Variants in GREB1 observed in about 807,000 individuals in gnomAD.
GREB1 encodes protein GREB1.
Under a neutral mutation model 200.7 loss-of-function variants are expected in GREB1, and 106 were observed. That is an observed-to-expected ratio of 0.53 (90% CI 0.45 to 0.62). The LOEUF (loss-of-function observed/expected upper bound fraction) is 0.62, where lower values mean the gene tolerates loss of function less well. Ranked by LOEUF, GREB1 falls within the 20% of genes least tolerant of loss-of-function variation. GREB1 has a pLI of 0.00. For synonymous variants in GREB1, 1,132 were observed against 1,092.4 expected (o/e 1.04, Z -0.72); for missense variants, 2,243 against 2,556.8 (o/e 0.88, Z 2.65).
chr2:11,503,172 T>A (rs1179522738), intron 1 of GREB1, among the ~76,000 whole-genome samples: 1 of 152,168 alleles, frequency 6.6e-6, no homozygotes, highest in African/African-American at 2.4e-5. Flanking sequence ...GAAAGAAACG[T>A]TCCTGATGAG....
intron 1 of GREB1, among the ~76,000 whole-genome samples, chr2:11,518,975 C>T (rs965039129): frequency 1.3e-5 from 2 of 151,646 alleles, no homozygotes; most frequent in Non-Finnish European, 2.9e-5. Context: ...TGGTAGGTGC[C>T]TGTAGGCCCA....
At chr2:11,562,742 A>T in intron 3 of GREB1, 160 bp downstream of exon 3, 2 of 791,838 alleles carry the variant, frequency 2.5e-6, no homozygotes, top group East Asian at 3.3e-5. Context: ...GGCCCGCAGC[A>T]GGTGCTGGCC....
At chr2:11,559,629 C>T (rs1451142909) in intron 2 of GREB1, among the ~76,000 whole-genome samples, 1 of 152,136 alleles carries the variant, frequency 6.6e-6, no homozygotes, top group Non-Finnish European at 1.5e-5. Flanking sequence ...CTGTGCCATC[C>T]CCTCTGAGCC....
intron 23 of GREB1, among the ~76,000 whole-genome samples, chr2:11,621,860 T>G (rs1472638634): frequency 1.3e-5 from 2 of 152,188 alleles, no homozygotes; most frequent in Admixed American, 6.5e-5. Flanking sequence ...GCTCTGAGTT[T>G]TCTAAGGTTT....
At chr2:11,571,515 G>A (rs529912788) in intron 4 of GREB1, among the ~76,000 whole-genome samples, 125 of 152,218 alleles carry the variant, frequency 8.2e-4, no homozygotes, top group African/African-American at 3.0e-3. Flanking sequence ...ACCTGACTGC[G>A]GTTTTGAGGA....
intron 22 of GREB1, 41 bp from the exon 23 acceptor site, chr2:11,620,864 G>C: frequency 8.2e-7 from 1 of 1,215,724 alleles, no homozygotes; most frequent in East Asian, 2.3e-5. Flanking sequence ...CACGCGGATG[G>C]GGCTTCCTCA....
intron 2 of GREB1, among the ~76,000 whole-genome samples, chr2:11,558,710 G>A (rs1457480361): frequency 6.6e-6 from 1 of 152,190 alleles, no homozygotes; most frequent in Non-Finnish European, 1.5e-5. Flanking sequence ...AGTCAAACCT[G>A]GTGCAGACAG....
At chr2:11,508,371 G>A (rs550812371) in intron 1 of GREB1, among the ~76,000 whole-genome samples, 7 of 152,350 alleles carry the variant, frequency 4.6e-5, no homozygotes, top group East Asian at 1.9e-4. Context: ...TGAGGCTGGC[G>A]TTGGAATATT....
At chr2:11,501,953 G>A (rs1324297397) in intron 1 of GREB1, among the ~76,000 whole-genome samples, 1 of 75,370 alleles carries the variant, frequency 1.3e-5, no homozygotes, top group Non-Finnish European at 2.4e-5. Context: ...TTTTGCTCTT[G>A]TTGCCCAGGC....
At chr2:11,514,027 A>T (rs1220564006) in intron 1 of GREB1, among the ~76,000 whole-genome samples, 3 of 152,244 alleles carry the variant, frequency 2.0e-5, no homozygotes, top group Non-Finnish European at 4.4e-5. Flanking sequence ...GCAACAGAAT[A>T]GGAGCTGGAT....
In GREB1 at chr2:11,637,708, C is replaced by T; in HGVS notation, c.5347-8C>T. On this transcript the variant is annotated splice_polypyrimidine_tract_variant and splice_region_variant and intron_variant, in intron 30 of 32. Transcript: ENST00000381486. ...CAGTAGTGGCCTGACACCCCCCTTCCCGTGCAGGTGTCTGATAACTCTGCC... is the reference window on the plus strand; with the variant it reads ...CAGTAGTGGCCTGACACCCCCCTTCTCGTGCAGGTGTCTGATAACTCTGCC... 1 of 1,611,940 alleles carries T rather than the reference C, an allele frequency of 6.2e-7. No homozygotes were observed. The highest frequency in any genetic ancestry group is 8.5e-7 in the Non-Finnish European group (1 of 1,179,616).
intron 1 of GREB1, among the ~76,000 whole-genome samples, chr2:11,524,667 A>G (rs1673812200): frequency 1.3e-5 from 2 of 152,112 alleles, no homozygotes; most frequent in South Asian, 2.1e-4. Flanking sequence ...GTTACTTTTC[A>G]TACTGTGCTT....
At chr2:11,588,504 G>T in intron 9 of GREB1, 1 of 561,996 alleles carries the variant, frequency 1.8e-6, no homozygotes. Flanking sequence ...TAAGAGGATT[G>T]GACGAAATGA....
intron 1 of GREB1, among the ~76,000 whole-genome samples, chr2:11,501,896 TTTTTTTTTG>T (rs1167102541): frequency 0.014 from 232 of 16,698 alleles, 64 homozygotes; most frequent in Admixed American, 0.018. Context: ...GGATTTCCTG[TTTTTTTTTG>T]TTTTTTTTTT....
At chr2:11,554,794 A>G (rs897745252) in intron 1 of GREB1, among the ~76,000 whole-genome samples, 4 of 152,244 alleles carry the variant, frequency 2.6e-5, no homozygotes, top group African/African-American at 9.6e-5. Context: ...GTAAAACTCC[A>G]GCAGGTATAT....
intron 23 of GREB1, among the ~76,000 whole-genome samples, chr2:11,621,614 C>T (rs1684021881): frequency 6.6e-6 from 1 of 152,348 alleles, no homozygotes; most frequent in South Asian, 2.1e-4. Context: ...TCCCTCCTCC[C>T]AGTGGCTCAT....
chr2:11,513,390 G>T (rs1042686600), intron 1 of GREB1, among the ~76,000 whole-genome samples: 1 of 152,176 alleles, frequency 6.6e-6, no homozygotes, highest in Non-Finnish European at 1.5e-5. Context: ...GTTCGAAGCA[G>T]CTCAGGGTCA....
At chr2:11,505,038 T>A (rs1673143662) in intron 1 of GREB1, among the ~76,000 whole-genome samples, 1 of 152,206 alleles carries the variant, frequency 6.6e-6, no homozygotes, top group Admixed American at 6.5e-5. Flanking sequence ...TTCAAGTGAT[T>A]CTCTTGCCTC....
At chr2:11,599,133 G>C (rs1291320290) in intron 15 of GREB1, among the ~76,000 whole-genome samples, 1 of 152,122 alleles carries the variant, frequency 6.6e-6, no homozygotes, top group Non-Finnish European at 1.5e-5. Flanking sequence ...GGTGGAGTGG[G>C]AGGGTGTTAG....
Sources: allele counts gnomAD v4.1 joint callset (sites outside exome capture counted in the v4.1 genomes callset), GRCh38; gene constraint gnomAD v4.1.1; transcripts MANE v1.5; gene names NCBI Gene and HGNC (gene_info 2026-07-23, HGNC 2026-07-21).